Variants in GABRA3 observed in about 807,000 individuals in gnomAD.
The protein encoded by GABRA3 is gamma-aminobutyric acid receptor subunit alpha-3.
GABRA3 carries 10 observed loss-of-function variants against 30.1 expected under a neutral mutation model. The observed-to-expected ratio is 0.33, with a 90% confidence interval of 0.20 to 0.56. The LOEUF (loss-of-function observed/expected upper bound fraction) is 0.56. Among genes scored for constraint, GABRA3 ranks in the 20% least tolerant of loss-of-function variants. The probability of loss-of-function intolerance (pLI) is 0.89; values close to 1 mark genes in which losing one functional copy is unlikely to be tolerated. For missense variants in GABRA3, 233 were observed against 392.0 expected (o/e 0.59, Z 3.42); for synonymous variants, 151 against 146.8 (o/e 1.03, Z -0.21).
intron 1 of GABRA3, among the ~76,000 whole-genome samples, chrX:152,383,281 C>T (rs752996374): frequency 2.9e-5 from 3 of 104,552 alleles, no homozygotes; most frequent in Admixed American, 2.1e-4. Flanking sequence ...CCCAGCTACT[C>T]GGGAGGCTGA....
At chrX:152,302,105 C>A (rs1939642080) in intron 3 of GABRA3, among the ~76,000 whole-genome samples, 1 of 108,360 alleles carries the variant, frequency 9.2e-6, no homozygotes, top group Admixed American at 9.9e-5. Flanking sequence ...TCAAATATTC[C>A]AAAAGAAGGC....
chrX:152,185,014 A>T (rs1937234043), intron 9 of GABRA3, among the ~76,000 whole-genome samples: 1 of 112,195 alleles, frequency 8.9e-6, no homozygotes, highest in Non-Finnish European at 1.9e-5. Flanking sequence ...TCAAAAATAA[A>T]TCTTAAAATC....
At chrX:152,278,905 C>T (rs1244984256) in intron 4 of GABRA3, among the ~76,000 whole-genome samples, 1 of 112,057 alleles carries the variant, frequency 8.9e-6, no homozygotes, top group Non-Finnish European at 1.9e-5. Context: ...GCATAAATGT[C>T]TTCTTTTGAG....
chrX:152,399,720 G>A (rs1395213290), intron 1 of GABRA3, among the ~76,000 whole-genome samples: 1 of 111,852 alleles, frequency 8.9e-6, no homozygotes, highest in African/African-American at 3.2e-5. Flanking sequence ...ATACAGATTG[G>A]ATTTAAAAAG....
chrX:152,386,263 T>C (rs1223001237), intron 1 of GABRA3, among the ~76,000 whole-genome samples: 1 of 109,664 alleles, frequency 9.1e-6, no homozygotes, highest in South Asian at 4.0e-4. Flanking sequence ...TCCTCTTTTA[T>C]TTCGTTGAGC....
chrX:152,323,525 C>T (rs1940003838), intron 3 of GABRA3, among the ~76,000 whole-genome samples: 1 of 111,648 alleles, frequency 9.0e-6, no homozygotes, highest in African/African-American at 3.3e-5. Context: ...AAGTGCCCTG[C>T]CAGCATTCAT....
chrX:152,404,736 TTATTA>T (rs1569418544), intron 1 of GABRA3, among the ~76,000 whole-genome samples: 5,301 of 59,904 alleles, frequency 0.088, 165 homozygotes, highest in South Asian at 0.1. Flanking sequence ...AAGTCATTTA[TTATTA>T]TTATTATTAT....
intron 6 of GABRA3, among the ~76,000 whole-genome samples, chrX:152,224,357 T>C (rs1353226334): frequency 1.8e-5 from 2 of 112,130 alleles, no homozygotes; most frequent in Non-Finnish European, 3.8e-5. Context: ...GATAGAAGTA[T>C]ATGAAGATGC....
chrX:152,340,060 C>T (rs1222344064), intron 3 of GABRA3, among the ~76,000 whole-genome samples: 2 of 111,804 alleles, frequency 1.8e-5, no homozygotes, highest in African/African-American at 3.2e-5. Flanking sequence ...TACAACCTTG[C>T]TATTTGTTTT....
At chrX:152,262,319 T>C (rs755720668) in intron 4 of GABRA3, among the ~76,000 whole-genome samples, 10 of 112,847 alleles carry the variant, frequency 8.9e-5, no homozygotes, top group African/African-American at 3.2e-4. Flanking sequence ...TACAAATTTC[T>C]GCAGCCAGCC....
chrX:152,352,512 C>A (rs58670441), intron 2 of GABRA3, among the ~76,000 whole-genome samples: 13,355 of 110,533 alleles, frequency 0.12, 670 homozygotes, highest in African/African-American at 0.17. Context: ...GCTGTCACTG[C>A]CAGCATCCTT....
chrX:152,217,967 T>C (rs985111461), intron 6 of GABRA3, among the ~76,000 whole-genome samples: 1 of 109,404 alleles, frequency 9.1e-6, no homozygotes, highest in Non-Finnish European at 1.9e-5. Flanking sequence ...TTTTATTTAT[T>C]TTTACTCTAA....
At chrX:152,236,876 T>C (rs1938229555) in intron 5 of GABRA3, among the ~76,000 whole-genome samples, 1 of 103,721 alleles carries the variant, frequency 9.6e-6, no homozygotes, top group South Asian at 4.6e-4. Flanking sequence ...TTTGAGTTCA[T>C]TGTAGATTCT....
At chrX:152,289,950 C>A (rs932817396) in intron 3 of GABRA3, among the ~76,000 whole-genome samples, 3 of 111,927 alleles carry the variant, frequency 2.7e-5, no homozygotes, top group Non-Finnish European at 1.9e-5. Context: ...CAAGTTTCTG[C>A]TATTGTGAAT....
intron 3 of GABRA3, among the ~76,000 whole-genome samples, chrX:152,293,983 TG>T (rs1939474912): frequency 1.8e-5 from 2 of 112,170 alleles, no homozygotes; most frequent in African/African-American, 6.5e-5. Context: ...GTAGAGTTTC[TG>T]CCAAGAGATC....
intron 5 of GABRA3, among the ~76,000 whole-genome samples, chrX:152,247,927 T>C (rs1050421394): frequency 1.8e-5 from 2 of 111,543 alleles, no homozygotes; most frequent in Non-Finnish European, 3.8e-5. Context: ...TCTCCTATAA[T>C]GAGTTTTTGT....
At chrX:152,278,083 C>T (rs766992523) in intron 4 of GABRA3, among the ~76,000 whole-genome samples, 5 of 112,027 alleles carry the variant, frequency 4.5e-5, no homozygotes, top group Non-Finnish European at 7.5e-5. Flanking sequence ...ATAATTGATA[C>T]GTTATTTCAG....
intron 1 of GABRA3, among the ~76,000 whole-genome samples, chrX:152,430,980 A>T (rs1930638786): frequency 8.9e-6 from 1 of 111,853 alleles, no homozygotes; most frequent in Non-Finnish European, 1.9e-5. Flanking sequence ...TCAAAAAAAA[A>T]TCCCATAGGC....
intron 1 of GABRA3, among the ~76,000 whole-genome samples, chrX:152,424,646 C>T (rs1028721858): frequency 5.4e-5 from 6 of 111,155 alleles, no homozygotes; most frequent in Admixed American, 4.8e-4. Flanking sequence ...CCAATTTTCC[C>T]CTACCCCACC....
Sources: allele counts gnomAD v4.1 joint callset (sites outside exome capture counted in the v4.1 genomes callset), GRCh38; gene constraint gnomAD v4.1.1; transcripts MANE v1.5; gene names NCBI Gene and HGNC (gene_info 2026-07-23, HGNC 2026-07-21).